The following IGSF10 variants were observed in gnomAD, a reference collection of about 807,000 sequenced individuals.
IGSF10 encodes immunoglobulin superfamily member 10.
In IGSF10, 126 loss-of-function variants were observed where a neutral mutation model predicts 128.2. The observed-to-expected ratio is 0.98, with a 90% CI of 0.85 to 1.14. The LOEUF is 1.14. IGSF10 is among the 50% of genes most tolerant of loss of function. IGSF10 has a pLI of 0.00. For missense variants in IGSF10, 3,295 were observed against 3,149.8 expected (o/e 1.05, Z -1.10); for synonymous variants, 1,185 against 1,146.2 (o/e 1.03, Z -0.68).
At chr3:151,463,914 A>C (rs1305539405), upstream of IGSF10, among the ~76,000 whole-genome samples, 1 of 152,108 alleles carries the variant, frequency 6.6e-6, no homozygotes, top group Admixed American at 6.6e-5. Flanking sequence ...GAAAAGTTTC[A>C]CCACTCTTTT....
At chr3:151,480,954 C>G in the IGSF10 span, among the ~76,000 whole-genome samples, 1 of 152,128 alleles carries the variant, frequency 6.6e-6, no homozygotes. Context: ...AGTACCCTGT[C>G]CCCCAGGGAC....
chr3:151,586,699 T>G, the IGSF10 span, among the ~76,000 whole-genome samples: 1 of 152,160 alleles, frequency 6.6e-6, no homozygotes. Context: ...TGTTTCATTG[T>G]GAAGAGATGC....
At chr3:151,466,564 TTTTTG>T in the IGSF10 span, among the ~76,000 whole-genome samples, 263 of 152,040 alleles carry the variant, frequency 1.7e-3, 1 homozygote, top group East Asian at 0.016. Flanking sequence ...CCAGCACGTG[TTTTTG>T]TTTTGTTTTG....
At chr3:151,438,852 GTA>G (rs368977751) in intron 7 of IGSF10, among the ~76,000 whole-genome samples, 3,642 of 83,804 alleles carry the variant, frequency 0.043, 128 homozygotes, top group African/African-American at 0.11. Flanking sequence ...ACATTTTGAG[GTA>G]TATATATATA....
chr3:151,614,587 C>T, the IGSF10 span, among the ~76,000 whole-genome samples: 2 of 151,852 alleles, frequency 1.3e-5, no homozygotes, highest in Admixed American at 6.6e-5. Flanking sequence ...AACCAAACAC[C>T]GCATGCTGTC....
chr3:151,446,896 G>T lies in IGSF10; in HGVS notation c.3085C>A (p.Pro1029Thr). 6.2e-7 allele frequency: 1 copy of T among 1,614,136 alleles called. No homozygotes were observed. The part of the protein sequence containing the change: ...RGRIISPYRT[P>T]VLRRHRYSIF... Reference sequence around the variant, plus strand: ...CTGTATCTATGCCGTCGCAGAACTGGAGTTCTATATGGGCTGATAATCCGC... The same window carrying T: ...CTGTATCTATGCCGTCGCAGAACTGTAGTTCTATATGGGCTGATAATCCGC... Residue 1029 changes from proline (P) to threonine (T), a missense_variant, in exon 6 of 8, where the codon CCA becomes ACA. By Grantham distance (38) the Pro-to-Thr change is conservative. Coordinates refer to ENST00000282466, the MANE Select transcript of IGSF10 (RefSeq NM_178822.5).
the IGSF10 span, among the ~76,000 whole-genome samples, chr3:151,519,066 T>C: frequency 1.3e-5 from 2 of 151,940 alleles, no homozygotes; most frequent in African/African-American, 4.8e-5. Flanking sequence ...TCTGATGAGA[T>C]GGGAGATCAC....
At chr3:151,517,738 A>T in the IGSF10 span, among the ~76,000 whole-genome samples, 1 of 151,994 alleles carries the variant, frequency 6.6e-6, no homozygotes. Context: ...CTCTTGCACT[A>T]AGTACCAAAA....
the IGSF10 span, among the ~76,000 whole-genome samples, chr3:151,494,037 C>T: frequency 6.6e-6 from 1 of 151,942 alleles, no homozygotes; most frequent in East Asian, 1.9e-4. Flanking sequence ...TAGTTCTGGA[C>T]TATTACTGAT....
At chr3:151,561,698 A>G in the IGSF10 span, among the ~76,000 whole-genome samples, 1 of 152,158 alleles carries the variant, frequency 6.6e-6, no homozygotes, top group Non-Finnish European at 1.5e-5. Flanking sequence ...AATAATATAT[A>G]CATCTGTTAC....
At chr3:151,618,518 C>G in the IGSF10 span, among the ~76,000 whole-genome samples, 6 of 152,124 alleles carry the variant, frequency 3.9e-5, no homozygotes, top group African/African-American at 1.4e-4. Context: ...ATCATGAGGT[C>G]AGGAGATCAA....
chr3:151,593,789 CA>C, the IGSF10 span, among the ~76,000 whole-genome samples: 1 of 152,014 alleles, frequency 6.6e-6, no homozygotes, highest in Non-Finnish European at 1.5e-5. Context: ...AGATTCCTGA[CA>C]GAAAAGGCAA....
chr3:151,511,105 T>C, the IGSF10 span, among the ~76,000 whole-genome samples: 2 of 151,968 alleles, frequency 1.3e-5, no homozygotes, highest in African/African-American at 4.8e-5. Flanking sequence ...ATTCAGGAAA[T>C]ACAGAGAACG....
At chr3:151,587,641 A>G in the IGSF10 span, among the ~76,000 whole-genome samples, 1 of 152,210 alleles carries the variant, frequency 6.6e-6, no homozygotes, top group East Asian at 1.9e-4. Context: ...AACACATTTC[A>G]ATATTGATAT....
At chr3:151,524,785 A>G in the IGSF10 span, among the ~76,000 whole-genome samples, 2 of 152,102 alleles carry the variant, frequency 1.3e-5, no homozygotes, top group Non-Finnish European at 2.9e-5. Flanking sequence ...AGTTAAAAAT[A>G]CATAAATAGA....
the IGSF10 span, among the ~76,000 whole-genome samples, chr3:151,559,791 C>T: frequency 1.3e-5 from 2 of 152,024 alleles, no homozygotes; most frequent in Admixed American, 6.6e-5. Context: ...CGAATAGGTT[C>T]GATGAATTGT....
chr3:151,572,146 A>T, the IGSF10 span, among the ~76,000 whole-genome samples: 1 of 152,180 alleles, frequency 6.6e-6, no homozygotes, highest in Non-Finnish European at 1.5e-5. Flanking sequence ...GGATTTTCCC[A>T]TTGATGATCA....
chr3:151,595,524 ATAT>A, the IGSF10 span, among the ~76,000 whole-genome samples: 1 of 148,754 alleles, frequency 6.7e-6, no homozygotes, highest in African/African-American at 2.4e-5. Context: ...ATACTCTAAT[ATAT>A]TATTATATTC....
chr3:151,496,060 C>G, the IGSF10 span, among the ~76,000 whole-genome samples: 1 of 152,018 alleles, frequency 6.6e-6, no homozygotes, highest in African/African-American at 2.4e-5. Context: ...TTATGAAACA[C>G]GTTGAATATA....
Sources: gnomAD v4.1 joint callset for allele counts (sites outside exome capture counted in the v4.1 genomes callset) on GRCh38, gnomAD v4.1.1 for gene constraint, MANE v1.5 for transcripts, NCBI Gene and HGNC (gene_info 2026-07-23, HGNC 2026-07-21) for gene names.